KDM2B: variants seen among roughly 807,000 people sequenced by gnomAD.
KDM2B encodes the protein lysine demethylase 2B.
A neutral mutation model predicts 150.0 loss-of-function variants in KDM2B; 26 were observed. The observed-to-expected ratio is 0.17, with a 90% CI of 0.13 to 0.24. The LOEUF is 0.24. Among genes scored for constraint, KDM2B ranks in the 10% least tolerant of loss-of-function variants. The pLI is 1.00. For missense variants in KDM2B, 1,265 were observed against 1,816.9 expected, an observed-to-expected ratio of 0.70 and a Z score of 5.52; for synonymous variants, 734 against 729.5, an observed-to-expected ratio of 1.01 and a Z score of -0.10.
rs540875959 is a variant in KDM2B at position 121,533,955 on chromosome 12, G to C, written c.777+542C>G. ...ACTCGAGAGCTGAGGTGGGAAGATCGCTTGAGCCCAGGAGGTGGAGGCTAC... is the reference window on the plus strand; with the variant it reads ...ACTCGAGAGCTGAGGTGGGAAGATCCCTTGAGCCCAGGAGGTGGAGGCTAC... On this transcript the variant is annotated intron_variant, in intron 7 of 22. Transcript: ENST00000377071. The surrounding 1 kb of genome is among the most constrained non-coding windows in gnomAD (Gnocchi z 4.1). Among the ~76,000 whole-genome samples the C allele has an allele frequency of 1.1e-3, 170 of 152,260 alleles. No homozygotes were observed. The highest frequency in any genetic ancestry group is 3.9e-3 in the African/African-American group (160 of 41,552).
chr12:121,527,199 G>A (rs1192235172), intron 8 of KDM2B, among the ~76,000 whole-genome samples: 61,809 of 147,774 alleles, frequency 0.42, 14,448 homozygotes, highest in Non-Finnish European at 0.51. Context: ...ATAGGCACCC[G>A]CCGCCACGCC....
chr12:121,514,673 G>A, intron 9 of KDM2B, among the ~76,000 whole-genome samples: 1 of 151,156 alleles, frequency 6.6e-6, no homozygotes, highest in Non-Finnish European at 1.5e-5. Context: ...GAGTTGGATG[G>A]TGAACAATTA....
chr12:121,525,191 T>C (rs552972135), intron 8 of KDM2B, among the ~76,000 whole-genome samples: 3 of 152,312 alleles, frequency 2.0e-5, no homozygotes, highest in African/African-American at 7.2e-5. Flanking sequence ...AAGGACCTCA[T>C]AGTTGGGACC....
At chr12:121,508,676 G>A (rs1239674615) in intron 11 of KDM2B, among the ~76,000 whole-genome samples, 2 of 152,064 alleles carry the variant, frequency 1.3e-5, no homozygotes, top group East Asian at 1.9e-4. Context: ...AGTCACCCCC[G>A]GGTCCTCATC....
At chr12:121,459,382 A>G (rs1267570857) in intron 12 of KDM2B, among the ~76,000 whole-genome samples, 1 of 152,210 alleles carries the variant, frequency 6.6e-6, no homozygotes, top group Non-Finnish European at 1.5e-5. Flanking sequence ...TTAACTCAAA[A>G]ATGGATCAAA....
the KDM2B span, chr12:121,417,719 A>G: frequency 6.2e-7 from 1 of 1,614,180 alleles, no homozygotes; most frequent in African/African-American, 1.3e-5. This position sits in a 1 kb window ranked among gnomAD's most constrained non-coding sequence, Gnocchi z 5.0. Context: ...TGGATCTAGT[A>G]CTGTGCCATC....
chr12:121,532,697 CA>C, intron 8 of KDM2B, 108 bp downstream of exon 8: 1 of 1,176,324 alleles, frequency 8.5e-7, no homozygotes, highest in East Asian at 2.3e-5. Context: ...CGGGGACTGC[CA>C]ATGGCCTGTC....
chr12:121,491,472 G>T (rs941067929), intron 12 of KDM2B, among the ~76,000 whole-genome samples: 1 of 152,108 alleles, frequency 6.6e-6, no homozygotes, highest in African/African-American at 2.4e-5. Flanking sequence ...TTGTGGCTCT[G>T]AAGTTATTTA....
chr12:121,581,291 G>A, upstream of KDM2B: 1 of 179,408 alleles, frequency 5.6e-6, no homozygotes, highest in Non-Finnish European at 1.2e-5. Flanking sequence ...GTTTATAGAA[G>A]ACAAGTCGGT....
chr12:121,510,799 T>A (rs201453391), intron 10 of KDM2B, among the ~76,000 whole-genome samples: 7 of 25,132 alleles, frequency 2.8e-4, no homozygotes, highest in South Asian at 1.8e-3. Context: ...TCTCAAAAAA[T>A]AATAATAATA....
At chr12:121,506,955 G>A (rs889726943) in intron 11 of KDM2B, among the ~76,000 whole-genome samples, 2 of 151,752 alleles carry the variant, frequency 1.3e-5, no homozygotes, top group African/African-American at 4.8e-5. Flanking sequence ...AAATTAGCCC[G>A]GCGAGGTGGC....
the KDM2B span, among the ~76,000 whole-genome samples, chr12:121,411,438 A>G: frequency 1.5e-4 from 23 of 151,770 alleles, no homozygotes; most frequent in Middle Eastern, 3.4e-3. Flanking sequence ...TGTGTAGTTG[A>G]AAAAAAAATT....
At chr12:121,554,533 C>G (rs1251261134) in intron 4 of KDM2B, among the ~76,000 whole-genome samples, 3 of 152,038 alleles carry the variant, frequency 2.0e-5, no homozygotes, top group African/African-American at 7.2e-5. Context: ...GCCTCAGCCC[C>G]CCGAGTAGCT....
intron 12 of KDM2B, among the ~76,000 whole-genome samples, chr12:121,461,590 A>G (rs528777555): frequency 3.9e-5 from 6 of 152,258 alleles, no homozygotes; most frequent in African/African-American, 1.4e-4. Flanking sequence ...ATGCAAGCAG[A>G]CTTCTGGAGG....
At chr12:121,525,754 A>T (rs1454879958) in intron 8 of KDM2B, among the ~76,000 whole-genome samples, 1 of 152,142 alleles carries the variant, frequency 6.6e-6, no homozygotes, top group Non-Finnish European at 1.5e-5. Flanking sequence ...CCATTAAGGA[A>T]TTTCTTCTCA....
Position 121,578,874 on chromosome 12 carries a change from C to A in KDM2B, c.199G>T (p.Gly67Cys). Residue 67 changes from glycine to cysteine, a missense_variant, in exon 2 of 23, where the codon GGC (glycine) becomes TGC (cysteine). Coordinates refer to ENST00000377071, the MANE Select transcript of KDM2B (RefSeq NM_032590.5). ...SDVEEIVSVRGFSLEEKLRSQ... is the reference protein window; with the variant it reads ...SDVEEIVSVRCFSLEEKLRSQ... ...CGAAGCTTCTCCTCCAGGCTGAAGC[C>A]GCGGACGCTGACGATCTCCTCCACG... 6.2e-7 allele frequency: 1 copy of A among 1,612,742 alleles called. No individual in the cohort carries two copies. Among genetic ancestry groups the A allele is most frequent in the Non-Finnish European group, 8.5e-7 (1 of 1,179,604 alleles).
chr12:121,481,735 G>C (rs1485725639), intron 12 of KDM2B, among the ~76,000 whole-genome samples: 1 of 151,672 alleles, frequency 6.6e-6, no homozygotes, highest in Non-Finnish European at 1.5e-5. Flanking sequence ...GATCTCAATT[G>C]CTTTTCAAGA....
At chr12:121,461,166 C>T (rs955498452) in intron 12 of KDM2B, among the ~76,000 whole-genome samples, 4 of 152,052 alleles carry the variant, frequency 2.6e-5, no homozygotes, top group African/African-American at 7.2e-5. Flanking sequence ...CAGGACCCTG[C>T]GTGCCAGGGG....
chr12:121,526,610 C>T (rs182734767), intron 8 of KDM2B, among the ~76,000 whole-genome samples: 1 of 152,238 alleles, frequency 6.6e-6, no homozygotes, highest in East Asian at 1.9e-4. Flanking sequence ...GTCCCAGCTA[C>T]CCTAGAGGCT....
Sources: gnomAD v4.1 joint callset for allele counts (sites outside exome capture counted in the v4.1 genomes callset) on GRCh38, gnomAD v4.1.1 for gene constraint, Gnocchi (gnomAD v3.1) non-coding constraint, MANE v1.5 for transcripts, NCBI Gene and HGNC (gene_info 2026-07-23, HGNC 2026-07-21) for gene names.